HIVEP3: variants seen among roughly 807,000 people sequenced by gnomAD.
The protein encoded by HIVEP3 is HIVEP zinc finger 3, also known as transcription factor HIVEP3.
In HIVEP3, 49 loss-of-function variants were observed where a neutral mutation model predicts 152.8. The ratio of observed to expected loss-of-function variants is 0.32; its 90% CI spans 0.26 to 0.41. HIVEP3 has a LOEUF of 0.41. Among genes scored for constraint, HIVEP3 ranks in the 10% least tolerant of loss-of-function variants. The pLI is 1.00. For missense variants in HIVEP3, 2,790 were observed against 3,103.3 expected, an observed-to-expected ratio of 0.90 and a Z score of 2.40; for synonymous variants, 1,269 against 1,289.0, an observed-to-expected ratio of 0.98 and a Z score of 0.33.
chr1:41,860,063 AC>A (rs1643868272), intron 1 of HIVEP3, among the ~76,000 whole-genome samples: 1 of 152,166 alleles, frequency 6.6e-6, no homozygotes, highest in African/African-American at 2.4e-5. Flanking sequence ...TAGCAGGCAA[AC>A]CTCAAAGAAA....
At chr1:41,812,779 T>C (rs551568030) in intron 1 of HIVEP3, among the ~76,000 whole-genome samples, 1 of 147,070 alleles carries the variant, frequency 6.8e-6, no homozygotes, top group East Asian at 2.1e-4. Context: ...AAACAGAGTG[T>C]CCCCTTCCCT....
intron 1 of HIVEP3, among the ~76,000 whole-genome samples, chr1:41,771,441 G>A (rs1054175787): frequency 1.3e-5 from 2 of 152,092 alleles, no homozygotes; most frequent in African/African-American, 4.8e-5. Context: ...TCTCTCCTCC[G>A]GAGCTCAGGC....
chr1:41,545,686 TCACCACCATCAC>T (rs1332525503), intron 5 of HIVEP3, among the ~76,000 whole-genome samples: 1 of 7,700 alleles, frequency 1.3e-4, no homozygotes, highest in African/African-American at 5.5e-4. Flanking sequence ...ACCACCACCA[TCACCACCATCAC>T]CACCACCACC....
chr1:41,937,748 A>G (rs546657524), intron 1 of HIVEP3, among the ~76,000 whole-genome samples: 4 of 152,328 alleles, frequency 2.6e-5, no homozygotes, highest in African/African-American at 9.6e-5. Context: ...CTTTTCAGAT[A>G]TGTCAACTAA....
At chr1:41,931,522 G>T (rs1644995650) in intron 1 of HIVEP3, among the ~76,000 whole-genome samples, 1 of 151,846 alleles carries the variant, frequency 6.6e-6, no homozygotes, top group African/African-American at 2.4e-5. Context: ...CTCAAAATTG[G>T]GTACTGTCTG....
chr1:42,025,995 A>G (rs1645579758), intron 1 of HIVEP3, among the ~76,000 whole-genome samples: 1 of 151,996 alleles, frequency 6.6e-6, no homozygotes, highest in Non-Finnish European at 1.5e-5. Flanking sequence ...ACTTGAACCC[A>G]GGAGGTTGAA....
At chr1:42,020,852 T>C (rs1387136782) in intron 1 of HIVEP3, among the ~76,000 whole-genome samples, 1 of 152,068 alleles carries the variant, frequency 6.6e-6, no homozygotes, top group Non-Finnish European at 1.5e-5. Context: ...GAGGAGAACC[T>C]GAATAAGGTG....
intron 1 of HIVEP3, among the ~76,000 whole-genome samples, chr1:41,867,989 C>T (rs1246928369): frequency 6.7e-6 from 1 of 149,974 alleles, no homozygotes; most frequent in Non-Finnish European, 1.5e-5. Flanking sequence ...AAGCCAATGT[C>T]TCTGAGCAGT....
intron 1 of HIVEP3, among the ~76,000 whole-genome samples, chr1:41,981,029 G>C (rs143165772): frequency 1.1e-3 from 167 of 152,304 alleles, no homozygotes; most frequent in Middle Eastern, 3.4e-3. Context: ...TCGTTGCACA[G>C]CTGGGCAAGC....
At chr1:41,737,342 A>G (rs1038838809) in intron 1 of HIVEP3, among the ~76,000 whole-genome samples, 3 of 152,314 alleles carry the variant, frequency 2.0e-5, no homozygotes, top group East Asian at 3.9e-4. Flanking sequence ...CCCACTGCCC[A>G]CAGTGCCTCC....
intron 2 of HIVEP3, among the ~76,000 whole-genome samples, chr1:41,680,949 C>T (rs1489018915): frequency 5.3e-5 from 8 of 152,206 alleles, no homozygotes; most frequent in Non-Finnish European, 1.0e-4. Flanking sequence ...TCTGGGCTGA[C>T]CATTTCACAT....
intron 1 of HIVEP3, among the ~76,000 whole-genome samples, chr1:41,749,404 T>TTGTGTGTGTGTGTGTGTGTGTGTGTGTG (rs3064239): frequency 3.1e-4 from 43 of 140,770 alleles, no homozygotes; most frequent in East Asian, 8.2e-4. Flanking sequence ...TTAGAAAAAA[T>TTGTGTGTGTGTGTGTGTGTGTGTGTGTG]TGTGTGTGTG....
intron 5 of HIVEP3, among the ~76,000 whole-genome samples, chr1:41,568,608 T>G (rs1644205380): frequency 6.6e-6 from 1 of 152,152 alleles, no homozygotes; most frequent in Admixed American, 6.5e-5. Flanking sequence ...CACCCAGGTG[T>G]GAGCTACCAG....
intron 1 of HIVEP3, among the ~76,000 whole-genome samples, chr1:41,994,940 C>T (rs543654620): frequency 1.3e-5 from 2 of 151,680 alleles, no homozygotes; most frequent in African/African-American, 4.8e-5. Context: ...CAAGAGATTA[C>T]ACATTATTAG....
At chr1:41,919,667 CATGGAGGT>C (rs1644924010), upstream of HIVEP3, among the ~76,000 whole-genome samples, 2 of 152,050 alleles carry the variant, frequency 1.3e-5, no homozygotes, top group African/African-American at 2.4e-5. Flanking sequence ...TAAGGGTCAG[CATGGAGGT>C]ATGGAGGTAG....
At chr1:41,697,037 C>A (rs2124120040) in intron 2 of HIVEP3, among the ~76,000 whole-genome samples, 2 of 152,290 alleles carry the variant, frequency 1.3e-5, no homozygotes, top group South Asian at 4.1e-4. Context: ...GATCAACATT[C>A]TCCAACCCCG....
At chr1:41,702,367 T>C (rs1176565351) in intron 1 of HIVEP3, among the ~76,000 whole-genome samples, 1 of 152,206 alleles carries the variant, frequency 6.6e-6, no homozygotes, top group African/African-American at 2.4e-5. Flanking sequence ...ACACTTAAAA[T>C]ACCTTATAAT....
At chr1:41,512,701 A>G in intron 8 of HIVEP3, 115 bp downstream of exon 8, 2 of 817,856 alleles carry the variant, frequency 2.4e-6, no homozygotes, top group Non-Finnish European at 3.7e-6. Flanking sequence ...ATTATTAATA[A>G]CTACTGAGCT....
chr1:41,902,111 T>A (rs1644634970), intron 1 of HIVEP3, among the ~76,000 whole-genome samples: 2 of 152,126 alleles, frequency 1.3e-5, no homozygotes, highest in Admixed American at 6.5e-5. Context: ...GAGGGGTGGG[T>A]TACTGTCCCT....
Sources: allele counts gnomAD v4.1 joint callset (sites outside exome capture counted in the v4.1 genomes callset), GRCh38; gene constraint gnomAD v4.1.1; transcripts MANE v1.5; gene names NCBI Gene and HGNC (gene_info 2026-07-23, HGNC 2026-07-21).